The following UROC1 variants were observed in gnomAD, a reference collection of about 807,000 sequenced individuals.
UROC1 encodes the protein urocanate hydratase.
A neutral mutation model predicts 89.5 loss-of-function variants in UROC1; 79 were observed. That is an observed-to-expected ratio of 0.88 (90% confidence interval 0.74 to 1.06). The LOEUF (loss-of-function observed/expected upper bound fraction) is 1.06. UROC1 is among the 50% of genes least tolerant of loss of function. UROC1 has a pLI of 0.00. For synonymous variants in UROC1, 361 were observed against 354.8 expected (o/e 1.02, Z -0.20); for missense variants, 885 against 907.8 (o/e 0.97, Z 0.32).
intron 19 of UROC1, 82 bp from the exon 20 acceptor site, chr3:126,482,567 C>G: frequency 6.2e-7 from 1 of 1,605,384 alleles, no homozygotes; most frequent in East Asian, 2.2e-5. Flanking sequence ...CTTGGGGCCT[C>G]TCTGCTTCGG....
chr3:126,502,161 AAT>A (rs1381078035), intron 9 of UROC1, among the ~76,000 whole-genome samples: 3 of 151,960 alleles, frequency 2.0e-5, no homozygotes, highest in African/African-American at 7.3e-5. Flanking sequence ...TGCATGTGAG[AAT>A]ATATGTTATG....
At chr3:126,492,538 G>T (rs1935679743) in intron 15 of UROC1, 22 bp from the exon 16 acceptor site, 1 of 1,594,456 alleles carries the variant, frequency 6.3e-7, no homozygotes, top group African/African-American at 1.3e-5. Flanking sequence ...AGGGCAACTG[G>T]CATCTCAGCC....
rs571198845 is a variant in UROC1, at chr3:126,488,600, G to A, written c.1709-321C>T. On this transcript the variant is annotated intron_variant, in intron 17 of 19. Transcript: ENST00000290868. ...CAGTGTTAGTTCAGAGAAGTAGAGT[G>A]CCAAAGAGAGTCACTCATATTCTTA... Among the ~76,000 whole-genome samples the A allele has an allele frequency of 8.5e-5, 13 of 152,354 alleles. No individual in the cohort carries two copies. The South Asian group carries it at 2.7e-3, about 32-fold the overall frequency.
rs1290729090 is a variant in UROC1, at chr3:126,481,826, G to A, written c.*519C>T. The A allele has an allele frequency of 4.3e-5, 7 of 161,874 alleles. No homozygotes were observed. In the East Asian group the frequency reaches 9.0e-4, roughly 21 times the overall value. The allele number at this position is 161,874 out of a possible 1,614,324, so 10.0% of individuals were successfully genotyped here. ...TCCTTAGGGCAGACCCGGCCTGCCCGTCCCACCAGCCCACAGTGCAGCACA... is the reference window on the plus strand; with the variant it reads ...TCCTTAGGGCAGACCCGGCCTGCCCATCCCACCAGCCCACAGTGCAGCACA... On this transcript the variant is annotated 3_prime_UTR_variant, in exon 20 of 20. Transcript: ENST00000290868.
At chr3:126,498,209 G>T (rs774888330) in intron 13 of UROC1, 37 bp from the exon 14 acceptor site, 85 of 1,613,378 alleles carry the variant, frequency 5.3e-5, no homozygotes, top group Non-Finnish European at 7.0e-5. Flanking sequence ...TGGGCCCGCT[G>T]GCTTGTTGGG....
chr3:126,482,745 C>G (rs545125271), intron 19 of UROC1, among the ~76,000 whole-genome samples: 1 of 152,090 alleles, frequency 6.6e-6, no homozygotes, highest in Non-Finnish European at 1.5e-5. Context: ...CTGAGTCCTC[C>G]GCAGCACCTC....
At chr3:126,508,550 G>T in intron 3 of UROC1, 75 bp from the exon 4 acceptor site, 1 of 1,309,234 alleles carries the variant, frequency 7.6e-7, no homozygotes, top group Middle Eastern at 1.8e-4. Context: ...GAGAGAAAGG[G>T]CCCCCATCCC....
chr3:126,487,550 G>C (rs1022032065), intron 18 of UROC1, among the ~76,000 whole-genome samples: 1 of 152,158 alleles, frequency 6.6e-6, no homozygotes, highest in African/African-American at 2.4e-5. Flanking sequence ...AATAGGCTCA[G>C]AGGCCAGTTT....
At position 126,504,149 on chromosome 3, in the gene UROC1, A is replaced by G. The variant is rs1025973388; in HGVS notation, c.814-66T>C. 2.0e-6 allele frequency: 3 copies of G among 1,531,104 alleles called. No homozygotes were observed. The Admixed American group carries it at 5.0e-5, about 26-fold the overall frequency. The allele number at this position is 1,531,104 out of a possible 1,614,324, so 94.8% of individuals were successfully genotyped here. The stretch of plus-strand genomic sequence containing the variant: ...CCGGTTACAAATCTTCCCTAAGTGT[A>G]TCATCCTCAACTAGGAAGGTGTCAT... On this transcript the variant is annotated intron_variant, in intron 8 of 19. Transcript: ENST00000290868.
rs772674470 is a variant in UROC1 at position 126,483,447 on chromosome 3, T to C, written c.1812A>G (p.Gly604=). 47 of 1,613,662 alleles carry C rather than the reference T, an allele frequency of 2.9e-5. No individual in the cohort carries two copies. The South Asian group carries it at 3.7e-4, about 13-fold the overall frequency. Residue 604 remains glycine, a synonymous_variant, in exon 19 of 20, where the codon GGA becomes GGG. Coordinates refer to ENST00000290868, the MANE Select transcript of UROC1 (RefSeq NM_144639.3). The part of the protein sequence containing the change: ...GVGWGEVING[G]FGLVLDGTPE... ...GGGTACCGTCCAGCACGAGGCCGAA[T>C]CCCCCGTTGATCACCTCACCCCTGC...
intron 16 of UROC1, among the ~76,000 whole-genome samples, chr3:126,491,729 T>A (rs1651362727): frequency 6.6e-6 from 1 of 152,216 alleles, no homozygotes; most frequent in Non-Finnish European, 1.5e-5. Context: ...CAGGGTTCCG[T>A]CCTCGAGACG....
At chr3:126,488,334 G>A (rs1251586011) in intron 17 of UROC1, 55 bp from the exon 18 acceptor site, 12 of 1,598,112 alleles carry the variant, frequency 7.5e-6, no homozygotes, top group Non-Finnish European at 8.6e-6. Flanking sequence ...TGGGCACCTG[G>A]CTCAGTCAGG....
intron 4 of UROC1, 109 bp from the exon 5 acceptor site, chr3:126,508,204 A>T: frequency 6.3e-7 from 1 of 1,598,008 alleles, no homozygotes; most frequent in South Asian, 1.1e-5. Context: ...CCAGGTCTCC[A>T]TTCCACTCCA....
intron 1 of UROC1, among the ~76,000 whole-genome samples, chr3:126,512,058 C>T (rs1360825940): frequency 6.6e-6 from 1 of 152,184 alleles, no homozygotes; most frequent in African/African-American, 2.4e-5. Flanking sequence ...AATAAATATT[C>T]TTTTAAGTGG....
chr3:126,493,673 A>C (rs1935707843), intron 15 of UROC1, among the ~76,000 whole-genome samples: 1 of 152,260 alleles, frequency 6.6e-6, no homozygotes, highest in South Asian at 2.1e-4. Context: ...GCTGCACAGC[A>C]GTATGAATGT....
chr3:126,484,021 T>TGGGC (rs1935454707), intron 18 of UROC1, among the ~76,000 whole-genome samples: 1 of 152,218 alleles, frequency 6.6e-6, no homozygotes, highest in East Asian at 1.9e-4. Flanking sequence ...CCCCACCTGA[T>TGGGC]TTTATCCTTA....
chr3:126,482,621 GC>G, intron 19 of UROC1, 136 bp from the exon 20 acceptor site: 1 of 1,334,878 alleles, frequency 7.5e-7, no homozygotes, highest in Non-Finnish European at 1.1e-6. Context: ...TTTTGTGTCT[GC>G]CCCATTTCCA....
chr3:126,509,799 G>C, intron 2 of UROC1, 121 bp from the exon 3 acceptor site: 6 of 943,838 alleles, frequency 6.4e-6, no homozygotes, highest in Non-Finnish European at 9.9e-6. Flanking sequence ...TGCAGAACTA[G>C]CTAGGAACGT....
At chr3:126,511,493 G>A (rs370748215) in intron 1 of UROC1, among the ~76,000 whole-genome samples, 5 of 152,222 alleles carry the variant, frequency 3.3e-5, no homozygotes, top group African/African-American at 7.2e-5. Flanking sequence ...AGTGCCAGCC[G>A]CCGCCTCGGG....
Sources: allele counts gnomAD v4.1 joint callset (sites outside exome capture counted in the v4.1 genomes callset), GRCh38; gene constraint gnomAD v4.1.1; transcripts MANE v1.5; gene names NCBI Gene and HGNC (gene_info 2026-07-23, HGNC 2026-07-21).